The following ZNF423 variants were observed in gnomAD, a reference collection of about 807,000 sequenced individuals.
The protein encoded by ZNF423 is zinc finger protein 423.
In ZNF423, 12 loss-of-function variants were observed where a neutral mutation model predicts 95.8. That is an observed-to-expected ratio of 0.13 (90% CI 0.08 to 0.20). The LOEUF (loss-of-function observed/expected upper bound fraction) is 0.20, where lower values mean the gene tolerates loss of function less well. Among genes scored for constraint, ZNF423 ranks in the 10% least tolerant of loss-of-function variants. The pLI is 1.00. For missense variants in ZNF423, 1,316 were observed against 1,737.1 expected (o/e 0.76, Z 4.31); for synonymous variants, 749 against 711.9 (o/e 1.05, Z -0.83).
intron 5 of ZNF423, among the ~76,000 whole-genome samples, chr16:49,617,648 T>C (rs1029957744): frequency 2.0e-5 from 3 of 152,056 alleles, no homozygotes; most frequent in African/African-American, 7.2e-5. Flanking sequence ...GAAACACACT[T>C]TGGTCTCTCT....
At chr16:49,604,288 G>C (rs976342407) in intron 5 of ZNF423, among the ~76,000 whole-genome samples, 20 of 152,218 alleles carry the variant, frequency 1.3e-4, no homozygotes, top group Non-Finnish European at 2.8e-4. Flanking sequence ...TGGGGTCACA[G>C]AGGGCTGAAG....
chr16:49,534,647 A>G (rs1314433639), intron 5 of ZNF423, among the ~76,000 whole-genome samples: 1 of 152,204 alleles, frequency 6.6e-6, no homozygotes, highest in Non-Finnish European at 1.5e-5. Flanking sequence ...CCATCAAGGC[A>G]ATAGAACCCT....
At chr16:49,644,437 T>A (rs548389601) in intron 3 of ZNF423, among the ~76,000 whole-genome samples, 7 of 150,878 alleles carry the variant, frequency 4.6e-5, no homozygotes, top group Admixed American at 2.0e-4. Context: ...GGAGGATCGT[T>A]TGAGGTCAGG....
At chr16:49,684,887 G>A (rs1171155773) in intron 3 of ZNF423, among the ~76,000 whole-genome samples, 1 of 152,198 alleles carries the variant, frequency 6.6e-6, no homozygotes, top group Non-Finnish European at 1.5e-5. Context: ...CTGGAGCCAG[G>A]CTCTGCACAC....
intron 5 of ZNF423, among the ~76,000 whole-genome samples, chr16:49,605,782 C>T (rs1009760417): frequency 3.3e-5 from 5 of 152,112 alleles, no homozygotes; most frequent in Non-Finnish European, 7.3e-5. Context: ...TGGCAGGCAG[C>T]GGTTGACTGA....
chr16:49,803,294 A>G (rs1437128897), intron 1 of ZNF423, among the ~76,000 whole-genome samples: 2 of 152,012 alleles, frequency 1.3e-5, no homozygotes, highest in Admixed American at 1.3e-4. Context: ...GGAGACCAAC[A>G]CTATTATCAA....
intron 7 of ZNF423, chr16:49,518,655 C>T: frequency 2.5e-6 from 1 of 392,206 alleles, no homozygotes; most frequent in Non-Finnish European, 4.9e-6. Flanking sequence ...AACTACTGGT[C>T]TGTTTTCTAT....
chr16:49,703,922 G>C (rs773219197), intron 3 of ZNF423, among the ~76,000 whole-genome samples: 12 of 152,226 alleles, frequency 7.9e-5, no homozygotes, highest in Non-Finnish European at 1.8e-4. Flanking sequence ...CCTGTGGTGA[G>C]TGAAGAGGTG....
At chr16:49,536,969 T>C (rs1439125277) in intron 5 of ZNF423, among the ~76,000 whole-genome samples, 2 of 152,368 alleles carry the variant, frequency 1.3e-5, no homozygotes, top group East Asian at 3.9e-4. Context: ...AACAAATATT[T>C]ATTGAACTGT....
At chr16:49,557,127 C>T (rs997876264) in intron 5 of ZNF423, among the ~76,000 whole-genome samples, 4 of 152,184 alleles carry the variant, frequency 2.6e-5, no homozygotes, top group Admixed American at 6.5e-5. Flanking sequence ...AAAATGATTT[C>T]GATGTTGGCG....
chr16:49,597,984 G>T (rs1971239041), intron 5 of ZNF423, among the ~76,000 whole-genome samples: 1 of 152,092 alleles, frequency 6.6e-6, no homozygotes, highest in South Asian at 2.1e-4. Flanking sequence ...CCCTACGGCA[G>T]CCTCCTGGGT....
At chr16:49,726,856 C>CAAA (rs368675702) in intron 3 of ZNF423, among the ~76,000 whole-genome samples, 1,121 of 94,692 alleles carry the variant, frequency 0.012, 114 homozygotes, top group African/African-American at 0.043. Context: ...TTCCCCCTAG[C>CAAA]AAAAAAAAAA....
At chr16:49,506,483 T>C (rs1265437636) in intron 7 of ZNF423, among the ~76,000 whole-genome samples, 2 of 141,374 alleles carry the variant, frequency 1.4e-5, no homozygotes, top group Admixed American at 1.4e-4. Flanking sequence ...AATAGATGGA[T>C]GGATGGATAG....
At chr16:49,776,535 C>G (rs958905866) in intron 2 of ZNF423, among the ~76,000 whole-genome samples, 7 of 152,230 alleles carry the variant, frequency 4.6e-5, no homozygotes, top group Non-Finnish European at 8.8e-5. Context: ...AAAGCTTCCC[C>G]CCAACCTGCA....
chr16:49,719,877 G>A (rs529379383), intron 3 of ZNF423, among the ~76,000 whole-genome samples: 5 of 152,304 alleles, frequency 3.3e-5, no homozygotes, highest in South Asian at 4.1e-4. Context: ...TCTCAGGAAC[G>A]CACGAGAGAG....
chr16:49,746,679 C>T (rs2033530909), intron 2 of ZNF423, among the ~76,000 whole-genome samples: 1 of 152,086 alleles, frequency 6.6e-6, no homozygotes, highest in South Asian at 2.1e-4. Context: ...GGTTAGCTGG[C>T]CAGGCAGGTC....
At chr16:49,728,722 T>TTTTA (rs60971141) in intron 3 of ZNF423, among the ~76,000 whole-genome samples, 55,780 of 150,976 alleles carry the variant, frequency 0.37, 10,441 homozygotes, top group African/African-American at 0.42. Context: ...GCCACCATTC[T>TTTTA]TTTATTTATT....
chr16:49,707,614 C>CAAAA (rs55751184), intron 3 of ZNF423, among the ~76,000 whole-genome samples: 1 of 54,790 alleles, frequency 1.8e-5, no homozygotes, highest in African/African-American at 6.8e-5. Context: ...GAGACTGTCT[C>CAAAA]AAAAAAAAAA....
intron 1 of ZNF423, among the ~76,000 whole-genome samples, chr16:49,818,912 T>C (rs944827925): frequency 2.6e-5 from 4 of 151,682 alleles, no homozygotes; most frequent in African/African-American, 9.7e-5. Flanking sequence ...AATAAATACA[T>C]ATTGTTAAAA....
Sources: gnomAD v4.1 joint callset for allele counts (sites outside exome capture counted in the v4.1 genomes callset) on GRCh38, gnomAD v4.1.1 for gene constraint, MANE v1.5 for transcripts, NCBI Gene and HGNC (gene_info 2026-07-23, HGNC 2026-07-21) for gene names.